RFC3: variants seen among roughly 807,000 people sequenced by gnomAD.
The protein encoded by RFC3 is replication factor C subunit 3.
A neutral mutation model predicts 45.1 loss-of-function variants in RFC3; 41 were observed. That is an observed-to-expected ratio of 0.91 (90% CI 0.71 to 1.18). RFC3 has a LOEUF of 1.18. RFC3 is among the 50% of genes most tolerant of loss of function. The probability of loss-of-function intolerance (pLI) is 0.00; values close to 1 mark genes in which losing one functional copy is unlikely to be tolerated. For missense variants in RFC3, 423 were observed against 428.1 expected, an observed-to-expected ratio of 0.99 and a Z score of 0.10; for synonymous variants, 149 against 144.0, an observed-to-expected ratio of 1.03 and a Z score of -0.25.
At chr13:33,938,856 T>G (rs1204894581) in intron 8 of RFC3, among the ~76,000 whole-genome samples, 1 of 152,178 alleles carries the variant, frequency 6.6e-6, no homozygotes, top group Non-Finnish European at 1.5e-5. Context: ...CCAAAGTGAT[T>G]ATACAAATTT....
At chr13:33,959,315 G>A (rs2137857497) in intron 8 of RFC3, among the ~76,000 whole-genome samples, 1 of 152,132 alleles carries the variant, frequency 6.6e-6, no homozygotes, top group Admixed American at 6.5e-5. Flanking sequence ...CCTTATTAAG[G>A]GCTTCCAAGA....
At chr13:33,973,208 C>A in the RFC3 span, among the ~76,000 whole-genome samples, 1 of 151,924 alleles carries the variant, frequency 6.6e-6, no homozygotes, top group Non-Finnish European at 1.5e-5. Context: ...ACTGCAAGTT[C>A]TATAAAAGTT....
At chr13:33,852,025 G>T (rs79393224) in intron 8 of RFC3, among the ~76,000 whole-genome samples, 4,541 of 152,166 alleles carry the variant, frequency 0.03, 133 homozygotes, top group African/African-American at 0.069. Flanking sequence ...ATTAAATTGA[G>T]GTGCAACATG....
At chr13:33,959,940 C>T (rs540449137) in intron 8 of RFC3, among the ~76,000 whole-genome samples, 96 of 152,210 alleles carry the variant, frequency 6.3e-4, no homozygotes, top group South Asian at 1.7e-3. Flanking sequence ...TTTTACTCAT[C>T]GCAGAAAGCA....
intron 8 of RFC3, among the ~76,000 whole-genome samples, chr13:33,937,423 T>C (rs1007932304): frequency 9.8e-5 from 15 of 152,294 alleles, no homozygotes; most frequent in African/African-American, 2.6e-4. Context: ...GCATGACTTA[T>C]ATATACAATT....
chr13:33,961,462 T>C (rs1221977250), intron 8 of RFC3, among the ~76,000 whole-genome samples: 4 of 152,248 alleles, frequency 2.6e-5, no homozygotes. Flanking sequence ...CCTCTTCTTT[T>C]ATCTATTCCT....
chr13:33,825,789 T>C lies in RFC3; in HGVS notation c.294T>C (p.Ser98=), dbSNP rs761860363. 4 of 1,590,274 alleles carry C rather than the reference T, an allele frequency of 2.5e-6. No individual in the cohort carries two copies. The African/African-American group carries it at 4.1e-5, about 16-fold the overall frequency. ...ASNYHLEVNP[S]DAGNSDRVVI... ...ATACCATTATTTTTGTTTTGTGTAG[T>C]GATGCTGGAAATAGTGACCGAGTAG... Residue 98 remains serine, a splice_region_variant and synonymous_variant, in exon 4 of 9, where the codon AGT becomes AGC. Transcript: ENST00000380071.
At chr13:33,893,771 G>A (rs190912525) in intron 8 of RFC3, among the ~76,000 whole-genome samples, 2,342 of 151,960 alleles carry the variant, frequency 0.015, 31 homozygotes, top group Middle Eastern at 0.041. Flanking sequence ...CAGCAGAATG[G>A]ATCAAGCAGA....
intron 8 of RFC3, among the ~76,000 whole-genome samples, chr13:33,885,731 C>A (rs17080072): frequency 0.046 from 7,028 of 152,156 alleles, 528 homozygotes; most frequent in African/African-American, 0.16. Context: ...AAGAAACAGA[C>A]AAAATAACCT....
chr13:33,956,577 C>T (rs897886999), intron 8 of RFC3, among the ~76,000 whole-genome samples: 2 of 152,114 alleles, frequency 1.3e-5, no homozygotes, highest in African/African-American at 4.8e-5. Context: ...TATGCCCAAA[C>T]CTTAAATGCA....
intron 8 of RFC3, among the ~76,000 whole-genome samples, chr13:33,910,860 C>A (rs771223023): frequency 3.9e-5 from 6 of 151,966 alleles, no homozygotes; most frequent in Middle Eastern, 6.8e-3. Flanking sequence ...TGGTGGAAGG[C>A]AAAGGGGGAG....
chr13:33,968,263 G>C (rs1328223259), downstream of RFC3, among the ~76,000 whole-genome samples: 1 of 152,136 alleles, frequency 6.6e-6, no homozygotes, highest in African/African-American at 2.4e-5. Context: ...AAGTAGCTGG[G>C]ATTACAGGTG....
At chr13:33,971,516 G>T (rs2083109243), downstream of RFC3, among the ~76,000 whole-genome samples, 1 of 152,224 alleles carries the variant, frequency 6.6e-6, no homozygotes, top group Admixed American at 6.5e-5. Context: ...TAGGCTTTGT[G>T]AGCTACATAG....
chr13:33,925,020 CTATA>C (rs940083344), intron 8 of RFC3, among the ~76,000 whole-genome samples: 1 of 149,328 alleles, frequency 6.7e-6, no homozygotes, highest in South Asian at 2.1e-4. Flanking sequence ...AATCATTTCA[CTATA>C]TATATACATA....
chr13:33,917,283 A>T (rs1012251472), intron 8 of RFC3, among the ~76,000 whole-genome samples: 31 of 152,180 alleles, frequency 2.0e-4, no homozygotes, highest in Admixed American at 9.8e-4. Context: ...GGGCCTCTTT[A>T]TTGCAAACAG....
At chr13:33,971,553 C>T (rs1156775223), downstream of RFC3, among the ~76,000 whole-genome samples, 1 of 152,192 alleles carries the variant, frequency 6.6e-6, no homozygotes, top group African/African-American at 2.4e-5. Context: ...TCAATTCTGC[C>T]GTTATGGCAT....
intron 8 of RFC3, among the ~76,000 whole-genome samples, chr13:33,910,736 G>A (rs2082699062): frequency 6.6e-6 from 1 of 152,004 alleles, no homozygotes; most frequent in Admixed American, 6.6e-5. Context: ...TGTGAGACTG[G>A]GTAATTTATA....
chr13:33,933,057 C>T (rs2082862487), intron 8 of RFC3, among the ~76,000 whole-genome samples: 1 of 152,128 alleles, frequency 6.6e-6, no homozygotes. Context: ...ATCTGAGATA[C>T]TGGTTTTTCC....
rs552206494 is a variant in RFC3 at position 33,821,608 on chromosome 13, A to G, written c.225+339A>G. Among the ~76,000 whole-genome samples, 7 of 152,314 alleles carry G rather than the reference A, an allele frequency of 4.6e-5. No individual in the cohort carries two copies. In the East Asian group the frequency reaches 1.3e-3, roughly 29 times the overall value. On this transcript the variant is annotated intron_variant, in intron 2 of 8. Coordinates refer to ENST00000380071, the MANE Select transcript of RFC3 (RefSeq NM_002915.4). The stretch of plus-strand genomic sequence containing the variant: ...TCTGAGAGCAGTAGTGGGGATGGAA[A>G]GAAAGAGAATGATTTTGAGAAAAAT...
Sources: gnomAD v4.1 joint callset for allele counts (sites outside exome capture counted in the v4.1 genomes callset) on GRCh38, gnomAD v4.1.1 for gene constraint, MANE v1.5 for transcripts, NCBI Gene and HGNC (gene_info 2026-07-23, HGNC 2026-07-21) for gene names.